Variants in ST6GALNAC3 observed in about 807,000 individuals in gnomAD.
ST6GALNAC3 encodes the protein alpha-N-acetylgalactosaminide alpha-2,6-sialyltransferase 3.
Under a neutral mutation model 32.7 loss-of-function variants are expected in ST6GALNAC3, and 25 were observed. The ratio of observed to expected loss-of-function variants is 0.76; its 90% CI spans 0.56 to 1.07. The LOEUF (loss-of-function observed/expected upper bound fraction) is 1.07, where lower values mean the gene tolerates loss of function less well. Among genes scored for constraint, ST6GALNAC3 ranks in the 50% least tolerant of loss-of-function variants. The pLI is 0.00. For synonymous variants in ST6GALNAC3, 129 were observed against 133.1 expected (o/e 0.97, Z 0.21); for missense variants, 355 against 382.4 (o/e 0.93, Z 0.60).
intron 2 of ST6GALNAC3, among the ~76,000 whole-genome samples, chr1:76,399,686 T>C (rs1250203059): frequency 6.6e-6 from 1 of 152,194 alleles, no homozygotes; most frequent in East Asian, 1.9e-4. Context: ...TTTACCTCTT[T>C]ACACCATTGA....
At chr1:76,311,095 C>G (rs1432035235) in intron 1 of ST6GALNAC3, among the ~76,000 whole-genome samples, 3 of 152,078 alleles carry the variant, frequency 2.0e-5, no homozygotes, top group Non-Finnish European at 4.4e-5. Context: ...TTTCTCACAT[C>G]TTTTTCCACC....
chr1:76,522,153 TG>T (rs1662582093), intron 3 of ST6GALNAC3, among the ~76,000 whole-genome samples: 1 of 152,108 alleles, frequency 6.6e-6, no homozygotes, highest in South Asian at 2.1e-4. Context: ...AGAAGTCAGC[TG>T]TAATCTTATT....
intron 4 of ST6GALNAC3, 41 bp from the exon 5 acceptor site, chr1:76,628,579 A>C (rs1216452353): frequency 1.3e-6 from 2 of 1,525,888 alleles, no homozygotes; most frequent in Admixed American, 4.3e-5. Context: ...TTCATTCTTC[A>C]TCTCAATCTT....
At chr1:76,106,324 ATCCCT>A in intron 1 of ST6GALNAC3, among the ~76,000 whole-genome samples, 1 of 152,302 alleles carries the variant, frequency 6.6e-6, no homozygotes, top group African/African-American at 2.4e-5. Flanking sequence ...TCTAGCCCTC[ATCCCT>A]TGGAAAAATG....
intron 1 of ST6GALNAC3, among the ~76,000 whole-genome samples, chr1:76,089,195 A>C (rs998478567): frequency 3.3e-5 from 5 of 151,936 alleles, no homozygotes; most frequent in Non-Finnish European, 5.9e-5. Context: ...CGCCCGGCTA[A>C]TTTTATTTTA....
intron 2 of ST6GALNAC3, among the ~76,000 whole-genome samples, chr1:76,371,768 T>C (rs947377101): frequency 6.6e-6 from 1 of 152,206 alleles, no homozygotes; most frequent in Non-Finnish European, 1.5e-5. Context: ...GGAAGGATTC[T>C]TGTATGAAAT....
At position 76,565,703 on chromosome 1, in the gene ST6GALNAC3, G is replaced by A. The variant is rs183566473; in HGVS notation, c.624-61749G>A. Among the ~76,000 whole-genome samples the A allele has an allele frequency of 1.8e-3, 279 of 152,258 alleles. 1 individual carries two copies. The highest frequency in any genetic ancestry group is 6.4e-3 in the African/African-American group (267 of 41,550). On this transcript the variant is annotated intron_variant, in intron 3 of 4. Coordinates refer to ENST00000328299, the MANE Select transcript of ST6GALNAC3 (RefSeq NM_152996.4). ...CGTTTCATTTCTAACAGAACCAGTTGTTCAAAACTATTGTCTTGTTTCCAG... is the reference window on the plus strand; with the variant it reads ...CGTTTCATTTCTAACAGAACCAGTTATTCAAAACTATTGTCTTGTTTCCAG...
intron 1 of ST6GALNAC3, among the ~76,000 whole-genome samples, chr1:76,114,553 G>T (rs1259891636): frequency 3.9e-5 from 6 of 152,096 alleles, no homozygotes; most frequent in Non-Finnish European, 2.9e-5. Flanking sequence ...TAGGTACTCA[G>T]TATTACTTTT....
At chr1:76,545,952 C>G (rs1313737257) in intron 3 of ST6GALNAC3, among the ~76,000 whole-genome samples, 3 of 152,198 alleles carry the variant, frequency 2.0e-5, no homozygotes, top group Admixed American at 1.3e-4. Flanking sequence ...AGCCACCGCA[C>G]TTGGCAGAAG....
intron 1 of ST6GALNAC3, among the ~76,000 whole-genome samples, chr1:76,101,448 A>G (rs1482565167): frequency 6.6e-6 from 1 of 152,206 alleles, no homozygotes; most frequent in Non-Finnish European, 1.5e-5. Context: ...TTTGGCACTT[A>G]TAAGTACAGT....
intron 3 of ST6GALNAC3, among the ~76,000 whole-genome samples, chr1:76,515,093 T>C (rs541841287): frequency 1.4e-4 from 21 of 152,248 alleles, no homozygotes; most frequent in African/African-American, 4.3e-4. Context: ...GCATCAGTAT[T>C]GTTCTTTAAA....
At chr1:76,597,810 C>T (rs1419337362) in intron 3 of ST6GALNAC3, among the ~76,000 whole-genome samples, 1 of 152,072 alleles carries the variant, frequency 6.6e-6, no homozygotes, top group African/African-American at 2.4e-5. Flanking sequence ...GGGGTCTACA[C>T]CGTTTCCAAT....
At chr1:76,361,217 A>G (rs1483740074) in intron 2 of ST6GALNAC3, among the ~76,000 whole-genome samples, 1 of 151,892 alleles carries the variant, frequency 6.6e-6, no homozygotes, top group African/African-American at 2.4e-5. Context: ...ACATTAAACA[A>G]CTCCCCATTC....
intron 3 of ST6GALNAC3, among the ~76,000 whole-genome samples, chr1:76,613,487 C>T (rs1648075067): frequency 6.6e-6 from 1 of 152,232 alleles, no homozygotes; most frequent in South Asian, 2.1e-4. Flanking sequence ...AGACCCAACT[C>T]TGGATGTAAA....
chr1:76,190,265 T>A (rs1254151536), intron 1 of ST6GALNAC3, among the ~76,000 whole-genome samples: 2 of 152,124 alleles, frequency 1.3e-5, no homozygotes, highest in African/African-American at 4.8e-5. Context: ...AGAGGCAGGC[T>A]CAGAGATAGG....
At chr1:76,328,189 A>G (rs1374007874) in intron 2 of ST6GALNAC3, among the ~76,000 whole-genome samples, 2 of 152,204 alleles carry the variant, frequency 1.3e-5, no homozygotes, top group African/African-American at 4.8e-5. Context: ...GACATCCAAT[A>G]TGCTGATACA....
chr1:76,264,386 A>G (rs1456818569), intron 1 of ST6GALNAC3, among the ~76,000 whole-genome samples: 1 of 152,224 alleles, frequency 6.6e-6, no homozygotes, highest in Non-Finnish European at 1.5e-5. Context: ...TTTAAGACCC[A>G]TGAAAATACT....
intron 2 of ST6GALNAC3, among the ~76,000 whole-genome samples, chr1:76,385,365 T>G (rs1652018495): frequency 6.6e-6 from 1 of 152,138 alleles, no homozygotes; most frequent in South Asian, 2.1e-4. Flanking sequence ...TCTGATTTCT[T>G]TCCATCTATA....
intron 1 of ST6GALNAC3, among the ~76,000 whole-genome samples, chr1:76,280,015 T>A (rs922988048): frequency 6.6e-6 from 1 of 152,098 alleles, no homozygotes; most frequent in African/African-American, 2.4e-5. Flanking sequence ...TCTTGCCCTT[T>A]CTCTTTTGCC....
Sources: gnomAD v4.1 joint callset for allele counts (sites outside exome capture counted in the v4.1 genomes callset) on GRCh38, gnomAD v4.1.1 for gene constraint, MANE v1.5 for transcripts, NCBI Gene and HGNC (gene_info 2026-07-23, HGNC 2026-07-21) for gene names.